The following NCKAP5 variants were observed in gnomAD, a reference collection of about 807,000 sequenced individuals.
NCKAP5 encodes the protein nck-associated protein 5.
NCKAP5 carries 92 observed loss-of-function variants against 167.0 expected under a neutral mutation model. That is an observed-to-expected ratio of 0.55 (90% CI 0.47 to 0.66). The LOEUF (loss-of-function observed/expected upper bound fraction) is 0.66, where lower values mean the gene tolerates loss of function less well. Ranked by LOEUF, NCKAP5 falls within the 30% of genes least tolerant of loss-of-function variation. The pLI is 0.00. For missense variants in NCKAP5, 2,378 were observed against 2,315.0 expected (o/e 1.03, Z -0.56); for synonymous variants, 891 against 877.4 (o/e 1.02, Z -0.27).
intron 3 of NCKAP5, among the ~76,000 whole-genome samples, chr2:133,455,608 A>G (rs1472867896): frequency 6.6e-6 from 1 of 152,106 alleles, no homozygotes; most frequent in Non-Finnish European, 1.5e-5. Flanking sequence ...CATTCAAATT[A>G]TGATCAGAAG....
chr2:132,908,995 T>C (rs1230212585), intron 8 of NCKAP5, among the ~76,000 whole-genome samples: 1 of 152,212 alleles, frequency 6.6e-6, no homozygotes, highest in African/African-American at 2.4e-5. Context: ...TGTTGAAATC[T>C]TGGTGTGATC....
chr2:133,211,413 T>C (rs1055549624), intron 5 of NCKAP5, among the ~76,000 whole-genome samples: 6 of 152,064 alleles, frequency 3.9e-5, no homozygotes, highest in African/African-American at 1.4e-4. Flanking sequence ...TATATTTCTG[T>C]AGAGCAGGGT....
intron 19 of NCKAP5, among the ~76,000 whole-genome samples, chr2:132,723,639 A>C (rs988934162): frequency 6.6e-6 from 1 of 152,232 alleles, no homozygotes; most frequent in Non-Finnish European, 1.5e-5. Flanking sequence ...AATTTTAAAA[A>C]TTCAGTCTCT....
intron 3 of NCKAP5, among the ~76,000 whole-genome samples, chr2:133,313,536 C>T (rs1003709848): frequency 6.6e-6 from 1 of 152,016 alleles, no homozygotes; most frequent in Non-Finnish European, 1.5e-5. Flanking sequence ...TTCTCAGCAG[C>T]CTGTACTATT....
the NCKAP5 span, among the ~76,000 whole-genome samples, chr2:133,664,611 T>C: frequency 2.6e-5 from 4 of 152,222 alleles, no homozygotes; most frequent in African/African-American, 9.6e-5. Flanking sequence ...GCAATTCTAC[T>C]GCCTCAGCCT....
At chr2:133,225,299 G>C (rs1371018192) in intron 4 of NCKAP5, among the ~76,000 whole-genome samples, 1 of 152,206 alleles carries the variant, frequency 6.6e-6, no homozygotes, top group Non-Finnish European at 1.5e-5. Context: ...CATACCTGTG[G>C]GGAAAGGGGG....
chr2:132,686,678 T>G (rs1349581636), intron 19 of NCKAP5, among the ~76,000 whole-genome samples: 1 of 152,250 alleles, frequency 6.6e-6, no homozygotes, highest in Admixed American at 6.5e-5. Flanking sequence ...TAATGCCCTT[T>G]AATGTCCTTG....
intron 6 of NCKAP5, among the ~76,000 whole-genome samples, chr2:133,040,387 C>T (rs1023556338): frequency 9.9e-5 from 15 of 152,208 alleles, no homozygotes; most frequent in African/African-American, 2.2e-4. Flanking sequence ...CACACCATGA[C>T]GCAATTATCT....
At chr2:133,402,546 G>C (rs956353583) in intron 3 of NCKAP5, among the ~76,000 whole-genome samples, 2 of 152,154 alleles carry the variant, frequency 1.3e-5, no homozygotes, top group African/African-American at 4.8e-5. Flanking sequence ...TCCAATGTTG[G>C]AGGTGGGCCT....
At chr2:133,634,978 T>C in the NCKAP5 span, among the ~76,000 whole-genome samples, 1 of 151,960 alleles carries the variant, frequency 6.6e-6, no homozygotes, top group African/African-American at 2.4e-5. Context: ...CAACCTATTC[T>C]CCTGCCTCAG....
intron 3 of NCKAP5, among the ~76,000 whole-genome samples, chr2:133,386,728 C>T (rs1686997360): frequency 6.6e-6 from 1 of 152,210 alleles, no homozygotes; most frequent in Non-Finnish European, 1.5e-5. Flanking sequence ...AATCTGGGTG[C>T]TCCTGTATTG....
At chr2:133,616,732 A>G in the NCKAP5 span, among the ~76,000 whole-genome samples, 42 of 152,020 alleles carry the variant, frequency 2.8e-4, no homozygotes, top group African/African-American at 7.3e-4. Flanking sequence ...TACAAGGAGG[A>G]ACTGGTACCA....
chr2:133,088,249 G>A (rs935154249), intron 6 of NCKAP5, among the ~76,000 whole-genome samples: 7 of 152,104 alleles, frequency 4.6e-5, no homozygotes, highest in African/African-American at 1.2e-4. Context: ...GAGTTGGCAC[G>A]GGCACTAAAC....
chr2:133,615,273 T>C, the NCKAP5 span, among the ~76,000 whole-genome samples: 20,951 of 149,598 alleles, frequency 0.14, 1,905 homozygotes, highest in Non-Finnish European at 0.18. Context: ...AACATCATAA[T>C]GACAGGATCA....
At chr2:133,139,454 A>G (rs886067343) in intron 5 of NCKAP5, among the ~76,000 whole-genome samples, 13 of 152,198 alleles carry the variant, frequency 8.5e-5, no homozygotes, top group Non-Finnish European at 1.6e-4. Flanking sequence ...AAGATTTAAG[A>G]GGCAAAGGGC....
intron 3 of NCKAP5, among the ~76,000 whole-genome samples, chr2:133,394,183 T>C (rs1428510420): frequency 6.6e-6 from 1 of 152,232 alleles, no homozygotes; most frequent in African/African-American, 2.4e-5. Context: ...TCAACACATA[T>C]GCTAGCTTGA....
the NCKAP5 span, among the ~76,000 whole-genome samples, chr2:133,645,353 A>T: frequency 6.6e-6 from 1 of 152,212 alleles, no homozygotes; most frequent in Non-Finnish European, 1.5e-5. Flanking sequence ...ATACATTTTT[A>T]AAAAGTGACT....
At chr2:132,859,390 T>C (rs1210367594) in intron 11 of NCKAP5, among the ~76,000 whole-genome samples, 8 of 152,186 alleles carry the variant, frequency 5.3e-5, no homozygotes. Flanking sequence ...CTGGATCATT[T>C]GGAAAAATAC....
intron 16 of NCKAP5, among the ~76,000 whole-genome samples, chr2:132,768,726 G>A (rs1330306811): frequency 7.8e-5 from 11 of 141,328 alleles, no homozygotes; most frequent in African/African-American, 2.4e-4. Flanking sequence ...CACAAGCTCC[G>A]CCTCCCAGGT....
Sources: gnomAD v4.1 joint callset for allele counts (sites outside exome capture counted in the v4.1 genomes callset) on GRCh38, gnomAD v4.1.1 for gene constraint, MANE v1.5 for transcripts, NCBI Gene and HGNC (gene_info 2026-07-23, HGNC 2026-07-21) for gene names.